Variants in SEMA3E observed in about 807,000 individuals in gnomAD.
SEMA3E encodes semaphorin 3E.
SEMA3E carries 49 observed loss-of-function variants against 93.6 expected under a neutral mutation model. The ratio of observed to expected loss-of-function variants is 0.52; its 90% CI spans 0.42 to 0.66. SEMA3E has a LOEUF of 0.66. Among genes scored for constraint, SEMA3E ranks in the 30% least tolerant of loss-of-function variants. The pLI, the probability that SEMA3E is intolerant of heterozygous loss-of-function variation, is 0.00. For synonymous variants in SEMA3E, 363 were observed against 330.7 expected, an observed-to-expected ratio of 1.10 and a Z score of -1.06; for missense variants, 906 against 964.8, an observed-to-expected ratio of 0.94 and a Z score of 0.81.
At chr7:83,493,363 AAATAT>A (rs1790422246) in intron 1 of SEMA3E, among the ~76,000 whole-genome samples, 3 of 151,952 alleles carry the variant, frequency 2.0e-5, no homozygotes, top group Non-Finnish European at 1.5e-5. Flanking sequence ...CAGTGAAAAA[AAATAT>A]AATAAGGAAT....
Position 83,364,944 on chromosome 7 carries a change from A to G in SEMA3E, c.*2642T>C, listed in dbSNP as rs1215719171. 1 of 152,198 alleles carries G rather than the reference A, an allele frequency of 6.6e-6. No individual in the cohort carries two copies. Among genetic ancestry groups the G allele is most frequent in the Non-Finnish European group, 1.5e-5 (1 of 68,048 alleles). 9.4% of individuals were successfully genotyped at this position (152,198 alleles called of 1,614,324 possible). On this transcript the variant is annotated 3_prime_UTR_variant, in exon 17 of 17. Transcript: ENST00000643230. ...CCCTCCCTGAGTTCAGAGAAGATCCATCCATTTTTAATTTTTAAAGCCTGG... is the reference window on the plus strand; with the variant it reads ...CCCTCCCTGAGTTCAGAGAAGATCCGTCCATTTTTAATTTTTAAAGCCTGG...
intron 1 of SEMA3E, among the ~76,000 whole-genome samples, chr7:83,556,375 A>G (rs1489080862): frequency 6.6e-6 from 1 of 152,162 alleles, no homozygotes; most frequent in Non-Finnish European, 1.5e-5. Context: ...CATTCATTCA[A>G]TAGCTATATA....
chr7:83,557,759 G>A (rs1280402857), intron 1 of SEMA3E, among the ~76,000 whole-genome samples: 1 of 151,996 alleles, frequency 6.6e-6, no homozygotes, highest in South Asian at 2.1e-4. Flanking sequence ...CTTATGTCTC[G>A]ACTTCAGCCT....
intron 1 of SEMA3E, among the ~76,000 whole-genome samples, chr7:83,582,174 TAAATAAAATTTAAATGTAA>T (rs1279382364): frequency 9.4e-4 from 142 of 150,886 alleles, no homozygotes; most frequent in African/African-American, 3.3e-3. Flanking sequence ...TATTTATATT[TAAATAAAATTTAAATGTAA>T]AAATAAAATT....
intron 16 of SEMA3E, among the ~76,000 whole-genome samples, chr7:83,384,129 A>G (rs1787834412): frequency 6.6e-6 from 1 of 152,050 alleles, no homozygotes; most frequent in South Asian, 2.1e-4. Flanking sequence ...TGTCCAAAGA[A>G]TCAAGGATTT....
In SEMA3E at chr7:83,619,900, T is replaced by TAGACAGACAGAC. The variant is rs1224607258; in HGVS notation, c.115+28527_115+28528insGTCTGTCTGTCT. 4.5e-3 allele frequency among the ~76,000 whole-genome samples: 527 copies of TAGACAGACAGAC among 117,806 alleles called. 6 individuals are homozygous for TAGACAGACAGAC. Among genetic ancestry groups the TAGACAGACAGAC allele is most frequent in the East Asian group, 0.042 (167 of 3,972 alleles). 77.3% of individuals were successfully genotyped at this position (117,806 alleles called of 152,430 possible). ...GATAGATAGATGATAGATAGATAGATAGACAGATAGATAGATAGATAGACA... is the reference window on the plus strand; with the variant it reads ...GATAGATAGATGATAGATAGATAGATAGACAGACAGACAGACAGATAGATAGATAGATAGACA... On this transcript the variant is annotated intron_variant, in intron 1 of 16. Transcript: ENST00000643230.
At chr7:83,490,335 C>A (rs1790356477) in intron 1 of SEMA3E, 61 bp from the exon 2 acceptor site, 3 of 1,536,958 alleles carry the variant, frequency 2.0e-6, no homozygotes, top group South Asian at 1.1e-5. Flanking sequence ...CTTTATCACC[C>A]TTTTCTCATA....
At chr7:83,618,320 C>T (rs988465202) in intron 1 of SEMA3E, among the ~76,000 whole-genome samples, 26 of 152,064 alleles carry the variant, frequency 1.7e-4, no homozygotes, top group African/African-American at 6.3e-4. Context: ...TCAGGTTTCT[C>T]AGATACCGTG....
intron 1 of SEMA3E, among the ~76,000 whole-genome samples, chr7:83,527,875 A>T (rs1425351105): frequency 6.6e-6 from 1 of 152,104 alleles, no homozygotes; most frequent in Non-Finnish European, 1.5e-5. Flanking sequence ...GATTATATTT[A>T]AAACCTGTTT....
intron 1 of SEMA3E, among the ~76,000 whole-genome samples, chr7:83,556,939 G>A (rs1359957480): frequency 6.6e-6 from 1 of 152,104 alleles, no homozygotes; most frequent in Non-Finnish European, 1.5e-5. Flanking sequence ...CACCATCTCA[G>A]AAGCAAAGAC....
chr7:83,429,500 TTA>T (rs1198641272), intron 4 of SEMA3E, among the ~76,000 whole-genome samples: 1 of 152,210 alleles, frequency 6.6e-6, no homozygotes, highest in Admixed American at 6.5e-5. Context: ...CCTTCAAACC[TTA>T]TGTTTTTCTG....
intron 1 of SEMA3E, among the ~76,000 whole-genome samples, chr7:83,491,211 A>G (rs1304299666): frequency 1.3e-5 from 2 of 152,066 alleles, no homozygotes; most frequent in Admixed American, 6.6e-5. Flanking sequence ...AATCTACAGC[A>G]CTGTGCCCAC....
At position 83,586,262 on chromosome 7, in the gene SEMA3E, T is replaced by C. The variant is rs141999711; in HGVS notation, c.115+62166A>G. 6.2e-3 allele frequency among the ~76,000 whole-genome samples: 946 copies of C among 152,276 alleles called. 9 individuals carry two copies. Among genetic ancestry groups the C allele is most frequent in the African/African-American group, 0.022 (908 of 41,562 alleles). Reference sequence around the variant, plus strand: ...GCAAACGTATCACTGCATGTGTATATGCAAATAGAAAGAGAAACGCATTTA... The same window carrying C: ...GCAAACGTATCACTGCATGTGTATACGCAAATAGAAAGAGAAACGCATTTA... On this transcript the variant is annotated intron_variant, in intron 1 of 16. Transcript: ENST00000643230.
intron 2 of SEMA3E, among the ~76,000 whole-genome samples, chr7:83,488,004 C>A (rs1446058997): frequency 6.6e-6 from 1 of 151,760 alleles, no homozygotes; most frequent in African/African-American, 2.4e-5. Flanking sequence ...GCACTTTGCA[C>A]GCTAGGAAAA....
Position 83,511,240 on chromosome 7 carries a change from G to A in SEMA3E, c.116-20966C>T, listed in dbSNP as rs576629224. The stretch of plus-strand genomic sequence containing the variant: ...GGCAGGACAATTGTACTAAGTGCTT[G>A]CCAATGTTACAAATGAATGCCTTCT... On this transcript the variant is annotated intron_variant, in intron 1 of 16. Transcript: ENST00000643230. 4.9e-4 allele frequency among the ~76,000 whole-genome samples: 74 copies of A among 150,448 alleles called. 1 individual carries two copies. The highest frequency in any genetic ancestry group is 9.9e-4 in the Non-Finnish European group (67 of 67,804).
chr7:83,496,151 G>A (rs1042819948), intron 1 of SEMA3E, among the ~76,000 whole-genome samples: 3 of 151,888 alleles, frequency 2.0e-5, no homozygotes, highest in Admixed American at 1.3e-4. Context: ...ATTTATTAGA[G>A]ATTCAGTACA....
chr7:83,630,906 T>A (rs565549390), intron 1 of SEMA3E, among the ~76,000 whole-genome samples: 1 of 152,326 alleles, frequency 6.6e-6, no homozygotes, highest in South Asian at 2.1e-4. Flanking sequence ...TAAAGTCTTT[T>A]GTAAAATTAT....
chr7:83,582,525 T>C (rs1335399129), intron 1 of SEMA3E, among the ~76,000 whole-genome samples: 1 of 151,980 alleles, frequency 6.6e-6, no homozygotes, highest in Non-Finnish European at 1.5e-5. Flanking sequence ...CTGTAGACAG[T>C]TGCACCTCTA....
chr7:83,606,169 C>G (rs1438906235), intron 1 of SEMA3E, among the ~76,000 whole-genome samples: 2 of 152,160 alleles, frequency 1.3e-5, no homozygotes, highest in South Asian at 2.1e-4. Flanking sequence ...GTCTGGGATG[C>G]ATTTCAAGCT....
Sources: gnomAD v4.1 joint callset for allele counts (sites outside exome capture counted in the v4.1 genomes callset) on GRCh38, gnomAD v4.1.1 for gene constraint, MANE v1.5 for transcripts, NCBI Gene and HGNC (gene_info 2026-07-23, HGNC 2026-07-21) for gene names.